The following RORA variants were observed in gnomAD, a reference collection of about 807,000 sequenced individuals.
RORA encodes the protein RAR related orphan receptor A, also known as nuclear receptor ROR-alpha.
In RORA, 7 loss-of-function variants were observed where a neutral mutation model predicts 69.5. The ratio of observed to expected loss-of-function variants is 0.10; its 90% confidence interval spans 0.06 to 0.19. The LOEUF (loss-of-function observed/expected upper bound fraction) is 0.19. RORA is among the 10% of genes least tolerant of loss of function. RORA has a pLI of 1.00. For synonymous variants in RORA, 261 were observed against 240.8 expected, an observed-to-expected ratio of 1.08 and a Z score of -0.78; for missense variants, 457 against 663.0, an observed-to-expected ratio of 0.69 and a Z score of 3.41.
chr15:60,964,254 T>C (rs1271400791), intron 1 of RORA, among the ~76,000 whole-genome samples: 1 of 152,238 alleles, frequency 6.6e-6, no homozygotes, highest in African/African-American at 2.4e-5. Context: ...GAGGCATTAA[T>C]ATGCCTATCT....
chr15:61,188,553 G>T (rs934642249), intron 1 of RORA, among the ~76,000 whole-genome samples: 1 of 152,150 alleles, frequency 6.6e-6, no homozygotes, highest in African/African-American at 2.4e-5. Flanking sequence ...GGATCTCTTG[G>T]CTGGAACCAT....
intron 1 of RORA, among the ~76,000 whole-genome samples, chr15:61,078,329 C>CTGTGTGTGTG (rs56676588): frequency 0.078 from 10,346 of 133,098 alleles, 567 homozygotes; most frequent in Middle Eastern, 0.12. Context: ...ACACCTGGCT[C>CTGTGTGTGTG]TGTGTGTGTG....
intron 1 of RORA, among the ~76,000 whole-genome samples, chr15:61,172,810 C>A (rs1295264565): frequency 6.6e-6 from 1 of 152,020 alleles, no homozygotes; most frequent in Non-Finnish European, 1.5e-5. Context: ...TCTAAGGGTC[C>A]CCTAAGGAGC....
chr15:60,596,712 G>C (rs1345927394), intron 2 of RORA, among the ~76,000 whole-genome samples: 1 of 152,138 alleles, frequency 6.6e-6, no homozygotes, highest in African/African-American at 2.4e-5. Context: ...TGAGTATAAA[G>C]GGGGACGGGA....
chr15:60,662,679 G>C (rs2070322135), intron 2 of RORA, among the ~76,000 whole-genome samples: 1 of 151,578 alleles, frequency 6.6e-6, no homozygotes, highest in Non-Finnish European at 1.5e-5. Context: ...GTGCAATTCT[G>C]GTATACTGTA....
intron 1 of RORA, among the ~76,000 whole-genome samples, chr15:60,842,743 C>T (rs1346635387): frequency 6.6e-6 from 1 of 151,878 alleles, no homozygotes; most frequent in Non-Finnish European, 1.5e-5. Flanking sequence ...CACCCCCTCC[C>T]AAACCCAAAC....
intron 1 of RORA, among the ~76,000 whole-genome samples, chr15:60,916,484 C>T (rs186517075): frequency 3.3e-5 from 5 of 152,304 alleles, no homozygotes; most frequent in East Asian, 1.9e-4. Flanking sequence ...AGGAAGCAGT[C>T]GATGAGGAAG....
At chr15:61,088,755 G>T (rs1481848575) in intron 1 of RORA, among the ~76,000 whole-genome samples, 2 of 152,104 alleles carry the variant, frequency 1.3e-5, no homozygotes, top group Non-Finnish European at 2.9e-5. Context: ...CACTCATTCT[G>T]TACAGCAAGA....
At chr15:60,840,981 C>T (rs998599555) in intron 1 of RORA, 31 of 473,122 alleles carry the variant, frequency 6.6e-5, no homozygotes, top group Non-Finnish European at 7.5e-5. Context: ...GGGAGGGTAG[C>T]GACAATACCA....
chr15:60,593,196 A>G (rs1355480942), intron 2 of RORA: 1 of 272,614 alleles, frequency 3.7e-6, no homozygotes, highest in African/African-American at 2.3e-5. Flanking sequence ...AGTTATACCA[A>G]TAACCAAGGT....
At chr15:60,873,747 A>G (rs927642881) in intron 1 of RORA, among the ~76,000 whole-genome samples, 1 of 152,226 alleles carries the variant, frequency 6.6e-6, no homozygotes, top group African/African-American at 2.4e-5. Flanking sequence ...AATTAGCTGT[A>G]TTAGCTCTAT....
chr15:61,162,388 T>G (rs1050053743), intron 1 of RORA, among the ~76,000 whole-genome samples: 12 of 152,082 alleles, frequency 7.9e-5, no homozygotes, highest in African/African-American at 2.9e-4. Flanking sequence ...AGTCCGTATT[T>G]TAATAGACTT....
chr15:60,741,589 C>T (rs1355186120), intron 1 of RORA, among the ~76,000 whole-genome samples: 1 of 152,148 alleles, frequency 6.6e-6, no homozygotes, highest in Non-Finnish European at 1.5e-5. Context: ...CCCTGTCTGG[C>T]CCTGGAAATG....
At chr15:61,158,987 A>G (rs192178544) in intron 1 of RORA, among the ~76,000 whole-genome samples, 7 of 152,200 alleles carry the variant, frequency 4.6e-5, no homozygotes, top group Admixed American at 1.3e-4. Context: ...CTCAGATTCA[A>G]TCTTAGTCAT....
At chr15:60,740,254 A>G (rs189955150) in intron 1 of RORA, among the ~76,000 whole-genome samples, 1 of 151,484 alleles carries the variant, frequency 6.6e-6, no homozygotes, top group African/African-American at 2.4e-5. Context: ...CCAGTTCGTT[A>G]CCCCCCGCAC....
intron 1 of RORA, among the ~76,000 whole-genome samples, chr15:60,737,178 G>A (rs1361104813): frequency 1.3e-5 from 2 of 152,142 alleles, no homozygotes; most frequent in African/African-American, 4.8e-5. Flanking sequence ...AACAGGAGAG[G>A]GTACAATCAG....
At chr15:60,900,883 A>AT (rs139047824) in intron 1 of RORA, among the ~76,000 whole-genome samples, 2,336 of 152,150 alleles carry the variant, frequency 0.015, 48 homozygotes, top group African/African-American at 0.053. Context: ...AAAAAAATAA[A>AT]AAATAAAAAA....
chr15:61,160,541 T>C (rs1173523639), intron 1 of RORA, among the ~76,000 whole-genome samples: 1 of 152,172 alleles, frequency 6.6e-6, no homozygotes, highest in East Asian at 1.9e-4. Flanking sequence ...ATGTTAAGCA[T>C]GAAACAACGG....
Position 60,512,635 on chromosome 15 carries a change from T to C in RORA, c.425-1014A>G, listed in dbSNP as rs947585366. Among the ~76,000 whole-genome samples the C allele has an allele frequency of 3.3e-5, 5 of 152,214 alleles. No individual in the cohort carries two copies. In the East Asian group the frequency reaches 9.6e-4, roughly 29 times the overall value. ...TCTGCTGTTCCCATTTAGCCTCAAG[T>C]AATCACAGCATCAGGATTTGGAAAG... On this transcript the variant is annotated intron_variant, in intron 4 of 10. Transcript: ENST00000335670.
Sources: allele counts gnomAD v4.1 joint callset (sites outside exome capture counted in the v4.1 genomes callset), GRCh38; gene constraint gnomAD v4.1.1; transcripts MANE v1.5; gene names NCBI Gene and HGNC (gene_info 2026-07-23, HGNC 2026-07-21).